The following TNIK variants were observed in gnomAD, a reference collection of about 807,000 sequenced individuals.
TNIK encodes the protein TRAF2 and NCK-interacting protein kinase.
Under a neutral mutation model 191.3 loss-of-function variants are expected in TNIK, and 49 were observed. That is an observed-to-expected ratio of 0.26 (90% CI 0.20 to 0.32). The LOEUF is 0.32. Ranked by LOEUF, TNIK falls within the 10% of genes least tolerant of loss-of-function variation. TNIK has a pLI of 1.00. For synonymous variants in TNIK, 594 were observed against 600.9 expected (o/e 0.99, Z 0.17); for missense variants, 1,155 against 1,702.3 (o/e 0.68, Z 5.66).
chr3:171,357,289 A>AT lies in TNIK; in HGVS notation c.123+12330dup, dbSNP rs113929884. ...GTTAGGGCATTCCAAACTCAGCAGA[A>AT]TTTTTTTTTTTTTTTGAGATGGAGT... On this transcript the variant is annotated intron_variant, in intron 2 of 32. Transcript: ENST00000436636. Among the ~76,000 whole-genome samples, 502 of 143,868 alleles carry AT rather than the reference A, an allele frequency of 3.5e-3. 3 individuals carry two copies. Among genetic ancestry groups the AT allele is most frequent in the African/African-American group, 5.9e-3 (231 of 39,382 alleles). The allele number at this position is 143,868 out of a possible 152,430, so 94.4% of individuals were successfully genotyped here. A position where few individuals can be genotyped will look rare whatever the true frequency, so the allele number is the denominator to read the frequency against.
In TNIK at chr3:171,087,216, C is replaced by G. The variant is rs1418251952; in HGVS notation, c.2886+126G>C. 24 of 1,365,252 alleles carry G rather than the reference C, an allele frequency of 1.8e-5. No homozygotes were observed. The East Asian group carries it at 1.9e-4, about 11-fold the overall frequency. The allele number at this position is 1,365,252 out of a possible 1,614,324, so 84.6% of individuals were successfully genotyped here. A position where few individuals can be genotyped will look rare whatever the true frequency, so the allele number is the denominator to read the frequency against. ...TATTTGAGTATCTGCATAAGTAGCT[C>G]TATGGTAGAAACCAACCAAACAAGT... On this transcript the variant is annotated intron_variant, in intron 24 of 32. Coordinates refer to ENST00000436636, the MANE Select transcript of TNIK (RefSeq NM_015028.4).
chr3:171,178,375 C>G (rs940733062), intron 7 of TNIK, among the ~76,000 whole-genome samples: 1 of 152,168 alleles, frequency 6.6e-6, no homozygotes, highest in Non-Finnish European at 1.5e-5. Flanking sequence ...GTAGGAGGTA[C>G]TCAAAGTATT....
intron 21 of TNIK, among the ~76,000 whole-genome samples, chr3:171,105,003 T>C (rs970613032): frequency 1.3e-5 from 2 of 151,792 alleles, no homozygotes; most frequent in African/African-American, 4.9e-5. Flanking sequence ...TCAAAGACTA[T>C]ATTAAATAGA....
chr3:171,349,110 C>T (rs527495351), intron 2 of TNIK, among the ~76,000 whole-genome samples: 1 of 152,016 alleles, frequency 6.6e-6, no homozygotes, highest in East Asian at 1.9e-4. Flanking sequence ...TTCAGACTCT[C>T]AGCTATAACA....
chr3:171,362,835 T>C (rs1228988192), intron 2 of TNIK, among the ~76,000 whole-genome samples: 3 of 152,184 alleles, frequency 2.0e-5, no homozygotes, highest in African/African-American at 7.2e-5. Context: ...CTTTTCATTA[T>C]ACTCTTTCCA....
chr3:171,227,739 T>G (rs1048280865), intron 3 of TNIK, among the ~76,000 whole-genome samples: 6 of 152,196 alleles, frequency 3.9e-5, no homozygotes, highest in Non-Finnish European at 8.8e-5. Context: ...TTTTCTATCA[T>G]TAACTTCTCT....
At chr3:171,350,767 G>T (rs1191602417) in intron 2 of TNIK, among the ~76,000 whole-genome samples, 2 of 151,944 alleles carry the variant, frequency 1.3e-5, no homozygotes, top group African/African-American at 4.8e-5. Context: ...TTATGAGCTA[G>T]GTACTATTAT....
intron 2 of TNIK, among the ~76,000 whole-genome samples, chr3:171,270,290 A>C (rs902304269): frequency 1.3e-5 from 2 of 152,148 alleles, no homozygotes; most frequent in African/African-American, 2.4e-5. Flanking sequence ...TTTGGTTACT[A>C]AGTTGGAGTG....
rs548315042 is a variant in TNIK, at chr3:171,175,829, GC to G, written c.695-500del. ...TGGAGTCCAAAACACCAGCCCCAGA[GC>G]CCCATTTTCTCTGTTTCCAGATATC... On this transcript the variant is annotated intron_variant, in intron 8 of 32. Coordinates refer to ENST00000436636, the MANE Select transcript of TNIK (RefSeq NM_015028.4). Among the ~76,000 whole-genome samples, 8 of 152,268 alleles carry G rather than the reference GC, an allele frequency of 5.3e-5. No homozygotes were observed. In the South Asian group the frequency reaches 1.7e-3, roughly 32 times the overall value.
chr3:171,185,178 C>T (rs3223421), intron 7 of TNIK, among the ~76,000 whole-genome samples: 9,190 of 145,920 alleles, frequency 0.063, 330 homozygotes, highest in African/African-American at 0.086. Flanking sequence ...ATAGATTTCC[C>T]GTGTGTGTGT....
intron 4 of TNIK, among the ~76,000 whole-genome samples, chr3:171,200,103 A>G (rs987151677): frequency 7.9e-5 from 12 of 152,220 alleles, no homozygotes; most frequent in African/African-American, 2.9e-4. Flanking sequence ...ACAGTGGTGC[A>G]TTCCAGGGCA....
At chr3:171,397,833 C>A (rs569991798) in intron 1 of TNIK, among the ~76,000 whole-genome samples, 9 of 152,230 alleles carry the variant, frequency 5.9e-5, no homozygotes, top group South Asian at 2.1e-4. Flanking sequence ...ACAACATACA[C>A]GCTTTTTTTC....
chr3:171,279,438 A>C lies in TNIK; in HGVS notation c.124-51217T>G, dbSNP rs555989579. 5.3e-5 allele frequency among the ~76,000 whole-genome samples: 8 copies of C among 152,296 alleles called. No homozygotes were observed. The South Asian group carries it at 1.7e-3, about 32-fold the overall frequency. On this transcript the variant is annotated intron_variant, in intron 2 of 32. Transcript: ENST00000436636. ...AGAACTCCTAGGTCAAAGGACTTAT[A>C]CTTTTTTAGGATATTTGATAACAGC...
At chr3:171,261,515 G>A (rs1747609113) in intron 2 of TNIK, among the ~76,000 whole-genome samples, 1 of 151,978 alleles carries the variant, frequency 6.6e-6, no homozygotes, top group Non-Finnish European at 1.5e-5. Flanking sequence ...ATCAAGAAAT[G>A]TTTGTTGGTT....
At chr3:171,302,884 A>T (rs1173506926) in intron 2 of TNIK, among the ~76,000 whole-genome samples, 2 of 152,162 alleles carry the variant, frequency 1.3e-5, no homozygotes, top group Admixed American at 1.3e-4. Flanking sequence ...CATCTGCTCC[A>T]CATCCAGCCC....
chr3:171,249,866 T>C (rs1216350714), intron 2 of TNIK, among the ~76,000 whole-genome samples: 5 of 152,200 alleles, frequency 3.3e-5, no homozygotes, highest in Non-Finnish European at 7.3e-5. Flanking sequence ...GCTATCCTGG[T>C]TTCTTACTGA....
At position 171,335,942 on chromosome 3, in the gene TNIK, T is replaced by C. The variant is rs984624046; in HGVS notation, c.123+33678A>G. Among the ~76,000 whole-genome samples the C allele has an allele frequency of 2.6e-5, 4 of 152,186 alleles. 1 individual carries two copies. Among genetic ancestry groups the C allele is most frequent in the South Asian group, 4.1e-4 (2 of 4,830 alleles). ...TTCATAACATTGGCAACAATTGATA[T>C]TGTCAGTCTTTTTAACTTTAGTCAT... On this transcript the variant is annotated intron_variant, in intron 2 of 32. Coordinates refer to ENST00000436636, the MANE Select transcript of TNIK (RefSeq NM_015028.4).
intron 1 of TNIK, among the ~76,000 whole-genome samples, chr3:171,377,278 C>T (rs377240392): frequency 6.6e-6 from 1 of 152,220 alleles, no homozygotes; most frequent in East Asian, 1.9e-4. Flanking sequence ...TCTCTCAGAA[C>T]AGGGAGACTG....
chr3:171,392,910 C>T (rs1005581904), intron 1 of TNIK, among the ~76,000 whole-genome samples: 1 of 151,940 alleles, frequency 6.6e-6, no homozygotes, highest in Admixed American at 6.6e-5. Context: ...AGTAATAATC[C>T]TTGGTAGTAA....
Sources: gnomAD v4.1 joint callset for allele counts (sites outside exome capture counted in the v4.1 genomes callset) on GRCh38, gnomAD v4.1.1 for gene constraint, MANE v1.5 for transcripts, NCBI Gene and HGNC (gene_info 2026-07-23, HGNC 2026-07-21) for gene names.